NCALD: variants seen among roughly 807,000 people sequenced by gnomAD.
NCALD encodes neurocalcin delta, also known as neurocalcin-delta.
NCALD carries 10 observed loss-of-function variants against 18.6 expected under a neutral mutation model. The ratio of observed to expected loss-of-function variants is 0.54; its 90% confidence interval spans 0.33 to 0.91. NCALD has a LOEUF of 0.91. Ranked by LOEUF, NCALD falls within the 40% of genes least tolerant of loss-of-function variation. The pLI is 0.03. For synonymous variants in NCALD, 88 were observed against 87.4 expected (o/e 1.01, Z -0.04); for missense variants, 184 against 247.6 (o/e 0.74, Z 1.72).
In NCALD at chr8:101,804,613, T is replaced by C. The variant is rs1288163960; in HGVS notation, c.-20+82528A>G. 2.2e-5 allele frequency among the ~76,000 whole-genome samples: 3 copies of C among 134,774 alleles called. No individual in the cohort carries two copies. The East Asian group carries it at 6.0e-4, about 27-fold the overall frequency. The allele number at this position is 134,774 out of a possible 152,430, so 88.4% of individuals were successfully genotyped here. A position where few individuals can be genotyped will look rare whatever the true frequency, so the allele number is the denominator to read the frequency against. ...AATATATAATTAATATAATTAATTA[T>C]ATAATATATAATTAATATAATTAAC... On this transcript the variant is annotated intron_variant, in intron 4 of 6. Transcript: ENST00000311028.
chr8:101,854,971 T>C (rs557227704), intron 4 of NCALD, among the ~76,000 whole-genome samples: 2 of 152,128 alleles, frequency 1.3e-5, no homozygotes, highest in African/African-American at 4.8e-5. Context: ...CACACAAATA[T>C]AGCAGCAAGG....
At chr8:102,065,008 G>T in intron 1 of NCALD, among the ~76,000 whole-genome samples, 1 of 40,488 alleles carries the variant, frequency 2.5e-5, no homozygotes, top group Non-Finnish European at 4.5e-5. Flanking sequence ...TTCTCACTTT[G>T]GCAAAAAAAA....
chr8:101,841,186 TGACA>T (rs1480289814), intron 4 of NCALD, among the ~76,000 whole-genome samples: 1 of 152,232 alleles, frequency 6.6e-6, no homozygotes, highest in Non-Finnish European at 1.5e-5. Flanking sequence ...ACTGGGTCTC[TGACA>T]GACAGTTGTA....
intron 2 of NCALD, among the ~76,000 whole-genome samples, chr8:101,984,505 TTTAA>T (rs1820731880): frequency 6.6e-6 from 1 of 152,128 alleles, no homozygotes; most frequent in Non-Finnish European, 1.5e-5. Context: ...CTTAACCCAG[TTTAA>T]TTATTTCTAA....
intron 2 of NCALD, among the ~76,000 whole-genome samples, chr8:102,013,179 G>C (rs1475394399): frequency 2.6e-5 from 4 of 152,150 alleles, no homozygotes; most frequent in African/African-American, 9.7e-5. Flanking sequence ...GGAGTGAATT[G>C]AATTGCTGGC....
upstream of NCALD, among the ~76,000 whole-genome samples, chr8:101,794,986 C>A (rs17406994): frequency 0.8 from 121,594 of 152,160 alleles, 48,732 homozygotes; most frequent in African/African-American, 0.85. Flanking sequence ...CTTTGGCCTA[C>A]AAAGTTCTAT....
At chr8:102,100,922 G>A (rs1825256991) in intron 1 of NCALD, among the ~76,000 whole-genome samples, 1 of 149,344 alleles carries the variant, frequency 6.7e-6, no homozygotes, top group African/African-American at 2.5e-5. Flanking sequence ...GTTGTTTGAT[G>A]GTAAGTTACA....
At chr8:101,768,777 AG>A (rs1317787403) in intron 1 of NCALD, among the ~76,000 whole-genome samples, 2 of 152,092 alleles carry the variant, frequency 1.3e-5, no homozygotes, top group Admixed American at 1.3e-4. Context: ...TAAAAAAAGA[AG>A]GGGTAAATTA....
intron 4 of NCALD, among the ~76,000 whole-genome samples, chr8:101,868,877 G>A (rs1181721905): frequency 2.6e-5 from 4 of 152,196 alleles, no homozygotes; most frequent in Non-Finnish European, 5.9e-5. Flanking sequence ...TGCTTTCATT[G>A]CTTCATTCTT....
intron 1 of NCALD, among the ~76,000 whole-genome samples, chr8:101,780,318 A>C (rs1811959466): frequency 6.6e-6 from 1 of 152,134 alleles, no homozygotes; most frequent in Non-Finnish European, 1.5e-5. Context: ...CCTTTCCTTT[A>C]ACATCAAGAA....
intron 1 of NCALD, among the ~76,000 whole-genome samples, chr8:101,781,617 T>C (rs1812015463): frequency 6.6e-6 from 1 of 152,218 alleles, no homozygotes; most frequent in Non-Finnish European, 1.5e-5. Flanking sequence ...AATCTTTATG[T>C]GATCAAATAG....
At chr8:101,696,902 G>C (rs112015269) in intron 2 of NCALD, among the ~76,000 whole-genome samples, 6 of 152,052 alleles carry the variant, frequency 3.9e-5, no homozygotes, top group African/African-American at 1.4e-4. Flanking sequence ...AGGGAAGCAA[G>C]AGCAAACAAA....
intron 1 of NCALD, among the ~76,000 whole-genome samples, chr8:102,053,568 G>A (rs1226194192): frequency 2.0e-5 from 3 of 152,050 alleles, no homozygotes; most frequent in Non-Finnish European, 4.4e-5. Context: ...AGCAAACCGA[G>A]ACATGAAGCT....
intron 2 of NCALD, among the ~76,000 whole-genome samples, chr8:102,005,511 A>G (rs375010478): frequency 1.8e-4 from 28 of 152,088 alleles, no homozygotes; most frequent in African/African-American, 2.4e-4. Flanking sequence ...ATTTGACCCA[A>G]CCATCCCATT....
chr8:101,868,420 C>T (rs138594785), intron 4 of NCALD, among the ~76,000 whole-genome samples: 60 of 152,254 alleles, frequency 3.9e-4, no homozygotes, highest in African/African-American at 1.3e-3. Flanking sequence ...GGCTGATTCA[C>T]GCTGACTTCC....
At chr8:101,704,569 G>C (rs1292469230) in intron 2 of NCALD, among the ~76,000 whole-genome samples, 1 of 152,128 alleles carries the variant, frequency 6.6e-6, no homozygotes, top group African/African-American at 2.4e-5. Flanking sequence ...AGAGAGATGG[G>C]GACCCAGTCA....
chr8:102,078,252 C>T (rs558160233), intron 1 of NCALD, among the ~76,000 whole-genome samples: 4 of 152,218 alleles, frequency 2.6e-5, no homozygotes, highest in South Asian at 4.1e-4. Flanking sequence ...AGCCCCTTCT[C>T]GCCAGCTCCA....
chr8:101,871,994 C>G, intron 4 of NCALD: 1 of 874,992 alleles, frequency 1.1e-6, no homozygotes, highest in Non-Finnish European at 1.9e-6. Context: ...AGGTTCATGC[C>G]GCCAAACACC....
intron 3 of NCALD, among the ~76,000 whole-genome samples, chr8:101,892,378 A>G (rs1471567727): frequency 5.4e-5 from 8 of 148,440 alleles, no homozygotes; most frequent in African/African-American, 2.1e-4. Context: ...ACCATTATCA[A>G]AGACCAAAAG....
Sources: allele counts gnomAD v4.1 joint callset (sites outside exome capture counted in the v4.1 genomes callset), GRCh38; gene constraint gnomAD v4.1.1; transcripts MANE v1.5; gene names NCBI Gene and HGNC (gene_info 2026-07-23, HGNC 2026-07-21).